BMPER: variants seen among roughly 807,000 people sequenced by gnomAD.
BMPER encodes BMP-binding endothelial regulator protein.
Under a neutral mutation model 87.3 loss-of-function variants are expected in BMPER, and 45 were observed. That is an observed-to-expected ratio of 0.52 (90% CI 0.41 to 0.66). The LOEUF (loss-of-function observed/expected upper bound fraction) is 0.66. BMPER is among the 30% of genes least tolerant of loss of function. The pLI is 0.00. For missense variants in BMPER, 784 were observed against 867.5 expected (o/e 0.90, Z 1.21); for synonymous variants, 326 against 316.2 (o/e 1.03, Z -0.33).
intron 2 of BMPER, among the ~76,000 whole-genome samples, chr7:33,916,752 G>T (rs550373414): frequency 2.6e-5 from 4 of 152,272 alleles, no homozygotes; most frequent in Admixed American, 6.5e-5. Flanking sequence ...CCTCGTCGTG[G>T]TCATCTCTGT....
Position 34,055,286 on chromosome 7 carries a change from G to A in BMPER, c.910G>A (p.Gly304Ser). ...PPEDIKVCKF[G>S]NKIFQDGEMW... Reference sequence around the variant, plus strand: ...AGAAGACATCAAAGTATGCAAATTTGGCAACAAGATTTTCCAGGTATGTCA... The same window carrying A: ...AGAAGACATCAAAGTATGCAAATTTAGCAACAAGATTTTCCAGGTATGTCA... Residue 304 changes from glycine (G) to serine (S), a missense_variant, in exon 9 of 15, where the codon GGC (glycine) becomes AGC (serine). Gly to Ser is a moderately conservative substitution (Grantham distance 56). Transcript: ENST00000649409. 6.2e-7 allele frequency: 1 copy of A among 1,614,054 alleles called. No individual in the cohort carries two copies. Among genetic ancestry groups the A allele is most frequent in the Non-Finnish European group, 8.5e-7 (1 of 1,180,008 alleles).
chr7:34,095,572 C>T (rs1044868595), intron 13 of BMPER, among the ~76,000 whole-genome samples: 7 of 152,118 alleles, frequency 4.6e-5, no homozygotes, highest in Admixed American at 2.0e-4. Context: ...ATTTTGTATG[C>T]AAATGAAATA....
At chr7:34,060,747 C>T (rs1249847888) in intron 10 of BMPER, among the ~76,000 whole-genome samples, 1 of 152,188 alleles carries the variant, frequency 6.6e-6, no homozygotes, top group Non-Finnish European at 1.5e-5. Context: ...TGAGCCTTGG[C>T]AACCTCTCCA....
chr7:34,031,923 T>TATAC (rs1554307579), intron 6 of BMPER, among the ~76,000 whole-genome samples: 54 of 103,772 alleles, frequency 5.2e-4, no homozygotes, highest in African/African-American at 2.4e-3. Flanking sequence ...TATATATATA[T>TATAC]ATATACACAC....
chr7:33,951,638 C>G (rs746440687), intron 3 of BMPER, among the ~76,000 whole-genome samples: 1 of 152,152 alleles, frequency 6.6e-6, no homozygotes, highest in South Asian at 2.1e-4. Context: ...ATAGTATTTT[C>G]AGCTCTGATC....
intron 13 of BMPER, among the ~76,000 whole-genome samples, chr7:34,099,008 G>A (rs1789606957): frequency 6.6e-6 from 1 of 151,930 alleles, no homozygotes; most frequent in Non-Finnish European, 1.5e-5. Flanking sequence ...CATGTGCGAT[G>A]TGCCTGGAAG....
intron 5 of BMPER, among the ~76,000 whole-genome samples, chr7:33,973,045 T>C (rs969974324): frequency 2.0e-5 from 3 of 152,218 alleles, no homozygotes; most frequent in Non-Finnish European, 4.4e-5. Context: ...TGTGGTCAGT[T>C]TCTTCCCGAA....
intron 11 of BMPER, among the ~76,000 whole-genome samples, chr7:34,064,590 G>A (rs565237500): frequency 3.6e-4 from 55 of 152,330 alleles, no homozygotes; most frequent in Middle Eastern, 6.8e-3. Flanking sequence ...CTATCACTGA[G>A]AGAGGCAATT....
At position 34,006,387 on chromosome 7, in the gene BMPER, T is replaced by C. The variant is rs185532846; in HGVS notation, c.576+31603T>C. ...ACTGTGTATTAGTGAATCCCTAAAATTAGCTTGTATTTTTGGCTAGGTTTT... is the reference window on the plus strand; with the variant it reads ...ACTGTGTATTAGTGAATCCCTAAAACTAGCTTGTATTTTTGGCTAGGTTTT... On this transcript the variant is annotated intron_variant, in intron 6 of 14. Transcript: ENST00000649409. 5.8e-3 allele frequency among the ~76,000 whole-genome samples: 887 copies of C among 152,124 alleles called. 5 individuals carry two copies. Among genetic ancestry groups the C allele is most frequent in the Non-Finnish European group, 0.01 (711 of 67,976 alleles).
At chr7:34,148,992 A>G (rs993768798) in intron 14 of BMPER, among the ~76,000 whole-genome samples, 2 of 152,206 alleles carry the variant, frequency 1.3e-5, no homozygotes, top group African/African-American at 4.8e-5. Context: ...CACACTAGGA[A>G]AAGGAATGAT....
intron 3 of BMPER, among the ~76,000 whole-genome samples, chr7:33,943,097 A>G (rs1321100300): frequency 6.6e-6 from 1 of 152,114 alleles, no homozygotes; most frequent in Non-Finnish European, 1.5e-5. Flanking sequence ...CTACATTAAT[A>G]TATTATTGTA....
intron 11 of BMPER, among the ~76,000 whole-genome samples, chr7:34,074,564 A>G (rs1304217697): frequency 6.6e-6 from 1 of 151,860 alleles, no homozygotes; most frequent in East Asian, 1.9e-4. Context: ...TGACACAGTG[A>G]TCTCGTGGGG....
intron 6 of BMPER, among the ~76,000 whole-genome samples, chr7:34,019,327 G>A (rs1034661936): frequency 3.3e-5 from 5 of 152,004 alleles, no homozygotes; most frequent in Admixed American, 6.6e-5. Flanking sequence ...CAGGCTAGGA[G>A]CCATTCTCTC....
At chr7:34,153,045 A>G in intron 14 of BMPER, 47 bp from the exon 15 acceptor site, 2 of 1,608,398 alleles carry the variant, frequency 1.2e-6, no homozygotes, top group Non-Finnish European at 1.7e-6. Context: ...GGGTGAATTA[A>G]TGGGGCCTTT....
chr7:33,972,473 G>A (rs1317130256), intron 5 of BMPER, among the ~76,000 whole-genome samples: 2 of 152,142 alleles, frequency 1.3e-5, no homozygotes, highest in Admixed American at 1.3e-4. Flanking sequence ...TTTCTAGGAA[G>A]GAAAGGGCTG....
intron 5 of BMPER, 115 bp downstream of exon 5, chr7:33,970,534 G>A (rs1785517523): frequency 1.8e-6 from 2 of 1,093,288 alleles, no homozygotes; most frequent in Admixed American, 3.6e-5. Flanking sequence ...TGTACCTAAT[G>A]GGTTTAGAGA....
At chr7:34,077,481 G>T (rs1461532874) in intron 11 of BMPER, among the ~76,000 whole-genome samples, 1 of 152,162 alleles carries the variant, frequency 6.6e-6, no homozygotes, top group Non-Finnish European at 1.5e-5. Context: ...CCTGAGGAGT[G>T]CCTTTTATAT....
At chr7:33,981,569 T>C (rs1785860831) in intron 6 of BMPER, among the ~76,000 whole-genome samples, 1 of 152,210 alleles carries the variant, frequency 6.6e-6, no homozygotes, top group Non-Finnish European at 1.5e-5. Context: ...TTTAACTCCA[T>C]CCATTAGGAT....
At chr7:33,927,805 G>A (rs917413593) in intron 2 of BMPER, among the ~76,000 whole-genome samples, 1 of 152,094 alleles carries the variant, frequency 6.6e-6, no homozygotes, top group African/African-American at 2.4e-5. Flanking sequence ...GTTGGAGTTG[G>A]ACCCCCAAAA....
Sources: gnomAD v4.1 joint callset for allele counts (sites outside exome capture counted in the v4.1 genomes callset) on GRCh38, gnomAD v4.1.1 for gene constraint, MANE v1.5 for transcripts, NCBI Gene and HGNC (gene_info 2026-07-23, HGNC 2026-07-21) for gene names.